CLIC5: variants seen among roughly 807,000 people sequenced by gnomAD.
CLIC5 encodes CLIC family member 5.
Under a neutral mutation model 24.7 loss-of-function variants are expected in CLIC5, and 20 were observed. That is an observed-to-expected ratio of 0.81 (90% CI 0.57 to 1.18). The LOEUF (loss-of-function observed/expected upper bound fraction) is 1.18, where lower values mean the gene tolerates loss of function less well. Ranked by LOEUF, CLIC5 falls within the 50% of genes most tolerant of loss-of-function variation. The probability of loss-of-function intolerance (pLI) is 0.00; values close to 1 mark genes in which losing one functional copy is unlikely to be tolerated. For synonymous variants in CLIC5, 159 were observed against 135.6 expected (o/e 1.17, Z -1.20); for missense variants, 341 against 326.1 (o/e 1.05, Z -0.35).
At chr6:46,121,925 A>G in the CLIC5 span, among the ~76,000 whole-genome samples, 6 of 152,222 alleles carry the variant, frequency 3.9e-5, no homozygotes, top group African/African-American at 1.4e-4. Context: ...ACCCAGATTC[A>G]TAAAGCAAGT....
intron 1 of CLIC5, among the ~76,000 whole-genome samples, chr6:45,967,019 A>G (rs1042767024): frequency 6.6e-6 from 1 of 152,226 alleles, no homozygotes; most frequent in East Asian, 1.9e-4. Context: ...CATGTGGTCA[A>G]CCACAGGCCA....
intron 1 of CLIC5, among the ~76,000 whole-genome samples, chr6:46,068,842 C>T (rs1276018461): frequency 6.6e-6 from 1 of 152,168 alleles, no homozygotes; most frequent in African/African-American, 2.4e-5. Context: ...CCAACCCTGC[C>T]AACACCTTGA....
intron 1 of CLIC5, among the ~76,000 whole-genome samples, chr6:46,057,281 C>T (rs1016499920): frequency 3.9e-5 from 6 of 152,208 alleles, no homozygotes; most frequent in African/African-American, 1.4e-4. Flanking sequence ...ATGCTATTTT[C>T]ATGACAGTGA....
chr6:46,049,401 C>T (rs1283751331), intron 1 of CLIC5, among the ~76,000 whole-genome samples: 1 of 152,220 alleles, frequency 6.6e-6, no homozygotes, highest in Non-Finnish European at 1.5e-5. Flanking sequence ...ATTAATCCCT[C>T]TCCCTGTCTC....
At chr6:46,016,896 G>C (rs1349615179), upstream of CLIC5, among the ~76,000 whole-genome samples, 4 of 152,176 alleles carry the variant, frequency 2.6e-5, no homozygotes, top group African/African-American at 9.7e-5. Flanking sequence ...GCTATGTGTA[G>C]TTGTGTATCA....
At chr6:45,924,361 A>G (rs984043014) in intron 4 of CLIC5, among the ~76,000 whole-genome samples, 1 of 152,154 alleles carries the variant, frequency 6.6e-6, no homozygotes, top group African/African-American at 2.4e-5. Context: ...GATATGCTAC[A>G]AGTACACCTG....
At chr6:46,044,953 A>G (rs1028497747) in intron 1 of CLIC5, among the ~76,000 whole-genome samples, 4 of 152,142 alleles carry the variant, frequency 2.6e-5, no homozygotes, top group Non-Finnish European at 5.9e-5. Flanking sequence ...TGAGGCCTTC[A>G]TTCTTGAGCA....
At chr6:45,998,467 A>T (rs969350797) in intron 1 of CLIC5, among the ~76,000 whole-genome samples, 1 of 152,206 alleles carries the variant, frequency 6.6e-6, no homozygotes, top group South Asian at 2.1e-4. Flanking sequence ...TTCTGTCTAC[A>T]TCCAGGGCTT....
chr6:46,076,670 T>A (rs1762779382), intron 1 of CLIC5, among the ~76,000 whole-genome samples: 1 of 152,234 alleles, frequency 6.6e-6, no homozygotes, highest in Non-Finnish European at 1.5e-5. Flanking sequence ...CCCCCAGAAC[T>A]GTAAGAGAAT....
chr6:45,951,037 G>T (rs144786469), intron 2 of CLIC5, among the ~76,000 whole-genome samples: 1 of 152,236 alleles, frequency 6.6e-6, no homozygotes, highest in East Asian at 1.9e-4. Flanking sequence ...GATTCAAATA[G>T]ATCACTTGAT....
At chr6:46,070,720 G>T (rs1218161898) in intron 1 of CLIC5, among the ~76,000 whole-genome samples, 1 of 151,330 alleles carries the variant, frequency 6.6e-6, no homozygotes, top group East Asian at 1.9e-4. Flanking sequence ...TAAAAAAAAA[G>T]AACTATTTAA....
chr6:46,050,869 G>GTGTGTGTT (rs1034146510), intron 1 of CLIC5, among the ~76,000 whole-genome samples: 2 of 151,776 alleles, frequency 1.3e-5, no homozygotes, highest in African/African-American at 4.8e-5. Flanking sequence ...GTGTGTGTGT[G>GTGTGTGTT]TGTGTGTGCA....
intron 1 of CLIC5, among the ~76,000 whole-genome samples, chr6:46,006,031 T>C (rs139372818): frequency 1.6e-4 from 22 of 140,664 alleles, no homozygotes; most frequent in Admixed American, 2.9e-4. Context: ...CATGTATAAA[T>C]ATATATACAT....
the CLIC5 span, among the ~76,000 whole-genome samples, chr6:46,126,338 T>A: frequency 6.6e-6 from 1 of 152,208 alleles, no homozygotes; most frequent in Non-Finnish European, 1.5e-5. Flanking sequence ...TCTTACTTAT[T>A]TTTGTATCTT....
At chr6:46,061,080 G>A (rs575045217) in intron 1 of CLIC5, among the ~76,000 whole-genome samples, 6 of 152,312 alleles carry the variant, frequency 3.9e-5, no homozygotes, top group African/African-American at 9.6e-5. Context: ...ATAGACGAGA[G>A]GCTCATTCTT....
Position 46,051,304 on chromosome 6 carries a change from A to G in CLIC5, c.540+28399T>C, listed in dbSNP as rs539181168. Among the ~76,000 whole-genome samples, 16 of 152,320 alleles carry G rather than the reference A, an allele frequency of 1.1e-4. No individual in the cohort carries two copies. The South Asian group carries it at 3.3e-3, about 32-fold the overall frequency. ...CCAGGAACTTGGAGACCTGCTTGCT[A>G]GCACAATTATCTCAGTGTGATGGGG... On this transcript the variant is annotated intron_variant, in intron 1 of 5. Transcript: ENST00000185206.
chr6:46,122,620 C>CA, the CLIC5 span, among the ~76,000 whole-genome samples: 5 of 151,996 alleles, frequency 3.3e-5, no homozygotes, highest in East Asian at 3.9e-4. Context: ...AAAAACCCTT[C>CA]AAAAAATCAA....
At chr6:46,061,001 C>CG (rs1413479460) in intron 1 of CLIC5, among the ~76,000 whole-genome samples, 24 of 152,202 alleles carry the variant, frequency 1.6e-4, no homozygotes, top group African/African-American at 4.6e-4. Flanking sequence ...GTACAGAGTG[C>CG]GGGTTCTATA....
chr6:46,060,347 C>CTT (rs1220524712), intron 1 of CLIC5, among the ~76,000 whole-genome samples: 3 of 151,764 alleles, frequency 2.0e-5, no homozygotes, highest in Admixed American at 6.6e-5. Flanking sequence ...ATGGAAATTA[C>CTT]TTGTAAAATT....
Sources: allele counts gnomAD v4.1 joint callset (sites outside exome capture counted in the v4.1 genomes callset), GRCh38; gene constraint gnomAD v4.1.1; transcripts MANE v1.5; gene names NCBI Gene and HGNC (gene_info 2026-07-23, HGNC 2026-07-21).